The following RIMKLB variants were observed in gnomAD, a reference collection of about 807,000 sequenced individuals.
RIMKLB encodes the protein ribosomal modification protein rimK like family member B.
RIMKLB carries 7 observed loss-of-function variants against 32.0 expected under a neutral mutation model. The ratio of observed to expected loss-of-function variants is 0.22; its 90% CI spans 0.12 to 0.41. The LOEUF is 0.41. RIMKLB is among the 10% of genes least tolerant of loss of function. The pLI, the probability that RIMKLB is intolerant of heterozygous loss-of-function variation, is 1.00. For missense variants in RIMKLB, 289 were observed against 498.7 expected (o/e 0.58, Z 4.00); for synonymous variants, 172 against 185.1 (o/e 0.93, Z 0.57).
intron 1 of RIMKLB, among the ~76,000 whole-genome samples, chr12:8,689,183 C>T (rs1402809324): frequency 2.0e-5 from 3 of 152,200 alleles, no homozygotes; most frequent in African/African-American, 4.8e-5. Flanking sequence ...ACCTTATCTC[C>T]ACATTCTAAA....
chr12:8,744,891 A>G lies in RIMKLB; in HGVS notation c.176-4971A>G, dbSNP rs1204601168. Among the ~76,000 whole-genome samples the G allele has an allele frequency of 4.6e-5, 7 of 151,974 alleles. No individual in the cohort carries two copies. The South Asian group carries it at 1.5e-3, about 31-fold the overall frequency. On this transcript the variant is annotated intron_variant, in intron 2 of 5. Transcript: ENST00000535829. Reference sequence around the variant, plus strand: ...TTTAAGTTCTAGGGTACATGTGTACAACGTGCAGGTTTGTTACATAGGTAT... The same window carrying G: ...TTTAAGTTCTAGGGTACATGTGTACGACGTGCAGGTTTGTTACATAGGTAT...
At chr12:8,705,491 A>AAG (rs1324705187) in intron 1 of RIMKLB, among the ~76,000 whole-genome samples, 1 of 151,906 alleles carries the variant, frequency 6.6e-6, no homozygotes, top group African/African-American at 2.4e-5. Context: ...AAAAAAAAAA[A>AAG]AAAGTAAAAT....
upstream of RIMKLB, among the ~76,000 whole-genome samples, chr12:8,696,760 A>G (rs997961558): frequency 6.6e-6 from 1 of 152,214 alleles, no homozygotes; most frequent in Non-Finnish European, 1.5e-5. Context: ...AAAATTTTTT[A>G]AAAGCAGAAA....
intron 2 of RIMKLB, among the ~76,000 whole-genome samples, chr12:8,749,633 C>T (rs762656501): frequency 1.6e-4 from 24 of 152,164 alleles, no homozygotes; most frequent in Non-Finnish European, 3.5e-4. Context: ...TTATGACATT[C>T]TTTTTAATGG....
chr12:8,732,722 A>G (rs1457757208), intron 2 of RIMKLB, among the ~76,000 whole-genome samples: 1 of 151,884 alleles, frequency 6.6e-6, no homozygotes, highest in Non-Finnish European at 1.5e-5. Flanking sequence ...TCCGGGGGAA[A>G]GCGTTATGCA....
At chr12:8,697,076 C>T (rs1221798237), upstream of RIMKLB, 3 of 152,042 alleles carry the variant, frequency 2.0e-5, no homozygotes, top group Admixed American at 6.6e-5. Context: ...ACAAAATGCT[C>T]TTAAAATATC....
intron 2 of RIMKLB, among the ~76,000 whole-genome samples, chr12:8,718,659 A>ATGTGTGTGTGTGTGTGTGTGTGTG (rs1213938637): frequency 1.0e-4 from 12 of 119,312 alleles, no homozygotes; most frequent in African/African-American, 3.9e-4. Flanking sequence ...CTCTCTATAT[A>ATGTGTGTGTGTGTGTGTGTGTGTG]TATATATATA....
intron 2 of RIMKLB, among the ~76,000 whole-genome samples, chr12:8,715,228 C>CCTTTTTTTTTTTTTTTTTTTTTTT (rs1445737752): frequency 1.5e-4 from 19 of 123,738 alleles, no homozygotes; most frequent in African/African-American, 5.9e-4. Flanking sequence ...TGCTCTTGTT[C>CCTTTTTTTTTTTTTTTTTTTTTTT]TTTTTTTTTT....
At chr12:8,720,376 A>C (rs1945319560) in intron 2 of RIMKLB, among the ~76,000 whole-genome samples, 1 of 152,170 alleles carries the variant, frequency 6.6e-6, no homozygotes, top group Admixed American at 6.6e-5. Flanking sequence ...GTGGTCAACT[A>C]ATATTTGAGA....
At chr12:8,692,799 G>A (rs1446421426), upstream of RIMKLB, among the ~76,000 whole-genome samples, 2 of 152,234 alleles carry the variant, frequency 1.3e-5, no homozygotes, top group Non-Finnish European at 2.9e-5. Context: ...CTGTTGTCAG[G>A]CTGGTTCTAG....
intron 2 of RIMKLB, among the ~76,000 whole-genome samples, chr12:8,741,651 G>A (rs1947542126): frequency 6.6e-6 from 1 of 150,602 alleles, no homozygotes; most frequent in Non-Finnish European, 1.5e-5. Flanking sequence ...GTGATGGCGG[G>A]TGCCTGTAGT....
intron 2 of RIMKLB, among the ~76,000 whole-genome samples, chr12:8,742,125 C>G (rs1458824506): frequency 6.6e-6 from 1 of 151,772 alleles, no homozygotes; most frequent in East Asian, 1.9e-4. Context: ...GTCTCAAGCT[C>G]CTGACCTCAT....
At chr12:8,749,798 C>G in intron 2 of RIMKLB, 64 bp from the exon 3 acceptor site, 1 of 1,041,686 alleles carries the variant, frequency 9.6e-7, no homozygotes, top group Non-Finnish European at 1.4e-6. Flanking sequence ...TGGCGTATTA[C>G]TATTCCTCTA....
chr12:8,700,651 T>G (rs1246737781), intron 1 of RIMKLB: 8 of 152,194 alleles, frequency 5.3e-5, no homozygotes, highest in Non-Finnish European at 1.2e-4. Context: ...GACAACTGTT[T>G]TGGGGGCGCT....
At chr12:8,728,020 G>A (rs1309082678) in intron 2 of RIMKLB, among the ~76,000 whole-genome samples, 2 of 152,150 alleles carry the variant, frequency 1.3e-5, no homozygotes, top group African/African-American at 4.8e-5. Flanking sequence ...GTATCCATAG[G>A]TTCTGCATTG....
chr12:8,692,353 T>C (rs1942757034), upstream of RIMKLB, among the ~76,000 whole-genome samples: 1 of 152,258 alleles, frequency 6.6e-6, no homozygotes, highest in Non-Finnish European at 1.5e-5. Flanking sequence ...AACTTTCATG[T>C]GTCTAAAGAT....
rs185115581 is a variant in RIMKLB at position 8,688,456 on chromosome 12, T to G, written n.219+6638T>G. Among the ~76,000 whole-genome samples the G allele has an allele frequency of 1.5e-3, 232 of 152,166 alleles. 2 individuals carry two copies. Among genetic ancestry groups the G allele is most frequent in the African/African-American group, 5.2e-3 (216 of 41,532 alleles). ...GAAAACAGAAGATAAATAATAGAAA[T>G]TATTTTCTTAGAAAGGAAAATTTTG... On this transcript the variant is annotated intron_variant and non_coding_transcript_variant, in intron 1 of 1. Transcript: ENST00000538758.
At chr12:8,718,925 T>C (rs983314059) in intron 2 of RIMKLB, among the ~76,000 whole-genome samples, 2 of 152,172 alleles carry the variant, frequency 1.3e-5, no homozygotes, top group African/African-American at 4.8e-5. Context: ...GGGTGTTCTA[T>C]AGTCTGTGGC....
At chr12:8,765,930 T>C (rs972284228) in intron 5 of RIMKLB, among the ~76,000 whole-genome samples, 3 of 152,134 alleles carry the variant, frequency 2.0e-5, no homozygotes, top group Admixed American at 2.0e-4. Flanking sequence ...AGCTGTAAGA[T>C]GTTATAATTT....
Sources: allele counts gnomAD v4.1 joint callset (sites outside exome capture counted in the v4.1 genomes callset), GRCh38; gene constraint gnomAD v4.1.1; transcripts MANE v1.5; gene names NCBI Gene and HGNC (gene_info 2026-07-23, HGNC 2026-07-21).